The following CDH17 variants were observed in gnomAD, a reference collection of about 807,000 sequenced individuals.
The protein encoded by CDH17 is cadherin 17.
CDH17 carries 67 observed loss-of-function variants against 86.3 expected under a neutral mutation model. The observed-to-expected ratio is 0.78, with a 90% CI of 0.64 to 0.95. CDH17 has a LOEUF of 0.95. Ranked by LOEUF, CDH17 falls within the 40% of genes least tolerant of loss-of-function variation. CDH17 has a pLI of 0.00. For synonymous variants in CDH17, 367 were observed against 366.4 expected (o/e 1.00, Z -0.02); for missense variants, 993 against 1,017.6 (o/e 0.98, Z 0.33).
At chr8:94,169,231 C>A (rs1036122890) in intron 9 of CDH17, among the ~76,000 whole-genome samples, 2 of 152,126 alleles carry the variant, frequency 1.3e-5, no homozygotes. Flanking sequence ...TTGTTGGCTA[C>A]TGTTACACTA....
At chr8:94,182,896 TAAAC>T (rs1012904953) in intron 3 of CDH17, among the ~76,000 whole-genome samples, 2 of 152,048 alleles carry the variant, frequency 1.3e-5, no homozygotes, top group African/African-American at 4.8e-5. Flanking sequence ...TTACAGCTAA[TAAAC>T]AAGTATTATA....
intron 9 of CDH17, among the ~76,000 whole-genome samples, chr8:94,169,630 T>C (rs1214427801): frequency 6.6e-6 from 1 of 152,088 alleles, no homozygotes; most frequent in East Asian, 1.9e-4. Flanking sequence ...CTCTGAAAGG[T>C]ACACAGCACA....
At chr8:94,207,770 G>A (rs1407633495) in intron 1 of CDH17, among the ~76,000 whole-genome samples, 1 of 152,138 alleles carries the variant, frequency 6.6e-6, no homozygotes, top group Non-Finnish European at 1.5e-5. Flanking sequence ...GACCAAGACA[G>A]AGGCAAATAT....
intron 3 of CDH17, among the ~76,000 whole-genome samples, chr8:94,185,433 G>A (rs1318782709): frequency 1.3e-5 from 2 of 152,116 alleles, no homozygotes; most frequent in Admixed American, 1.3e-4. Context: ...GAAAAGTGGA[G>A]CAGCCCAAGG....
chr8:94,143,118 A>G (rs969277823), intron 15 of CDH17, among the ~76,000 whole-genome samples: 2 of 152,342 alleles, frequency 1.3e-5, no homozygotes, highest in East Asian at 1.9e-4. Flanking sequence ...GATGAAATGT[A>G]TATCTTAAAT....
At chr8:94,190,056 G>A (rs1467103984) in intron 2 of CDH17, among the ~76,000 whole-genome samples, 4 of 152,236 alleles carry the variant, frequency 2.6e-5, no homozygotes, top group South Asian at 2.1e-4. Flanking sequence ...GGGATGGTAA[G>A]AAGAGTGGCT....
chr8:94,148,632 T>G, intron 14 of CDH17, 112 bp downstream of exon 14: 1 of 761,530 alleles, frequency 1.3e-6, no homozygotes, highest in Non-Finnish European at 2.0e-6. Context: ...AAGGTTGTGA[T>G]ATTCTGGTGT....
chr8:94,142,435 A>G (rs963473723), intron 15 of CDH17, among the ~76,000 whole-genome samples: 31 of 152,228 alleles, frequency 2.0e-4, no homozygotes, highest in Non-Finnish European at 4.3e-4. Context: ...TTTTGCTGCA[A>G]ATCATTTCCT....
At chr8:94,145,898 G>GT (rs767808168) in intron 15 of CDH17, 30 bp downstream of exon 15, 16 of 1,599,184 alleles carry the variant, frequency 1.0e-5, no homozygotes, top group Admixed American at 1.7e-5. Flanking sequence ...ATCCATCTAT[G>GT]TTTTTTTCCA....
intron 5 of CDH17, among the ~76,000 whole-genome samples, chr8:94,175,225 A>T (rs1813349567): frequency 6.6e-6 from 1 of 152,226 alleles, no homozygotes; most frequent in Non-Finnish European, 1.5e-5. Context: ...AAATTTTAAG[A>T]GAATATACAA....
Position 94,130,694 on chromosome 8 carries a change from C to G in CDH17, c.2330G>C (p.Gly777Ala). ...CVEGSCFRPA[G>A]HQTGIPTVGM... Reference sequence around the variant, plus strand: ...CACAGTGGGTATCCCAGTCTGGTGACCTGCTGGCCGGAAACAACTTCCTTC... The same window carrying G: ...CACAGTGGGTATCCCAGTCTGGTGAGCTGCTGGCCGGAAACAACTTCCTTC... Residue 777 changes from glycine (G) to alanine (A), a missense_variant, in exon 17 of 18, where the codon GGT becomes GCT. Coordinates refer to ENST00000027335, the MANE Select transcript of CDH17 (RefSeq NM_004063.4). 6.2e-7 allele frequency: 1 copy of G among 1,614,020 alleles called. No individual in the cohort carries two copies. Among genetic ancestry groups the G allele is most frequent in the South Asian group, 1.1e-5 (1 of 91,064 alleles).
intron 7 of CDH17, 44 bp from the exon 8 acceptor site, chr8:94,171,029 TGA>T (rs1009962003): frequency 6.4e-7 from 1 of 1,566,474 alleles, no homozygotes; most frequent in Non-Finnish European, 8.7e-7. Context: ...GTATTTGGAC[TGA>T]GAGAACTGGA....
chr8:94,155,724 G>A (rs1440865220), intron 12 of CDH17, among the ~76,000 whole-genome samples: 1 of 152,200 alleles, frequency 6.6e-6, no homozygotes, highest in East Asian at 1.9e-4. Context: ...TCAGATGTGT[G>A]TCTTAGAAAG....
chr8:94,211,844 T>G (rs1814126754), upstream of CDH17, among the ~76,000 whole-genome samples: 1 of 152,242 alleles, frequency 6.6e-6, no homozygotes. Context: ...TGTCTTCAAT[T>G]AGTACTCAAT....
intron 13 of CDH17, 97 bp downstream of exon 13, chr8:94,151,771 A>T: frequency 6.7e-7 from 1 of 1,486,450 alleles, no homozygotes; most frequent in Non-Finnish European, 9.2e-7. Context: ...GTATGCTGTG[A>T]GGGTCAGCCC....
At chr8:94,142,867 A>G (rs1235333360) in intron 15 of CDH17, among the ~76,000 whole-genome samples, 1 of 152,164 alleles carries the variant, frequency 6.6e-6, no homozygotes, top group Admixed American at 6.6e-5. Context: ...TTCGAGCTCT[A>G]TTGTTATTTT....
At chr8:94,136,931 G>T (rs971530563) in intron 15 of CDH17, among the ~76,000 whole-genome samples, 1 of 152,176 alleles carries the variant, frequency 6.6e-6, no homozygotes, top group African/African-American at 2.4e-5. Flanking sequence ...GACCCTGTTT[G>T]CCTGGGTATC....
In CDH17 at chr8:94,189,271, G is replaced by C. The variant is rs764424451; in HGVS notation, c.66C>G (p.Gly22=). The stretch of plus-strand genomic sequence containing the variant: ...GGGGTCCACTAAACTTCCCCTCTTG[G>C]CCATATCCAGTTGCCTGTTAAAAAA... ...LLMLYLATGY[G]QEGKFSGPLK... Residue 22 remains glycine, a synonymous_variant, in exon 3 of 18, where the codon GGC becomes GGG. Coordinates refer to ENST00000027335, the MANE Select transcript of CDH17 (RefSeq NM_004063.4). The C allele has an allele frequency of 2.1e-5, 34 of 1,609,442 alleles. No individual in the cohort carries two copies. Among genetic ancestry groups the C allele is most frequent in the Non-Finnish European group, 1.0e-5 (12 of 1,178,464 alleles).
rs529761160 is a variant in CDH17 at position 94,133,024 on chromosome 8, A to G, written c.2168-2032T>C. Among the ~76,000 whole-genome samples the G allele has an allele frequency of 6.6e-5, 10 of 152,136 alleles. No homozygotes were observed. In the East Asian group the frequency reaches 1.4e-3, roughly 21 times the overall value. ...GGTCTCTGTTCTGTTCCATTGGTCTATATATCTGTTTTGGTACCAGTACCA... is the reference window on the plus strand; with the variant it reads ...GGTCTCTGTTCTGTTCCATTGGTCTGTATATCTGTTTTGGTACCAGTACCA... On this transcript the variant is annotated intron_variant, in intron 15 of 17. Transcript: ENST00000027335.
Sources: gnomAD v4.1 joint callset for allele counts (sites outside exome capture counted in the v4.1 genomes callset) on GRCh38, gnomAD v4.1.1 for gene constraint, MANE v1.5 for transcripts, NCBI Gene and HGNC (gene_info 2026-07-23, HGNC 2026-07-21) for gene names.